CSMD1: variants seen among roughly 807,000 people sequenced by gnomAD.
The protein encoded by CSMD1 is CUB and sushi domain-containing protein 1.
CSMD1 carries 213 observed loss-of-function variants against 417.5 expected under a neutral mutation model. That is an observed-to-expected ratio of 0.51 (90% CI 0.46 to 0.57). CSMD1 has a LOEUF of 0.57. Ranked by LOEUF, CSMD1 falls within the 20% of genes least tolerant of loss-of-function variation. The pLI, the probability that CSMD1 is intolerant of heterozygous loss-of-function variation, is 0.00. For synonymous variants in CSMD1, 2,862 were observed against 1,736.8 expected, an observed-to-expected ratio of 1.65 and a Z score of -16.11; for missense variants, 6,923 against 4,529.7, an observed-to-expected ratio of 1.53 and a Z score of -15.17.
At chr8:3,642,464 C>T (rs1175331376) in intron 7 of CSMD1, among the ~76,000 whole-genome samples, 1 of 152,110 alleles carries the variant, frequency 6.6e-6, no homozygotes, top group Non-Finnish European at 1.5e-5. Flanking sequence ...AAGAGATATT[C>T]CCAAGTAGTG....
At chr8:4,933,002 A>C (rs755377902) in intron 1 of CSMD1, among the ~76,000 whole-genome samples, 3 of 152,176 alleles carry the variant, frequency 2.0e-5, no homozygotes, top group Non-Finnish European at 2.9e-5. Context: ...ACTTACAATA[A>C]ACATTTCTCT....
At chr8:3,251,492 T>G (rs1481116217) in intron 26 of CSMD1, among the ~76,000 whole-genome samples, 3 of 152,194 alleles carry the variant, frequency 2.0e-5, no homozygotes, top group Non-Finnish European at 2.9e-5. Flanking sequence ...TGAAGTCAGG[T>G]AGCATGATGC....
At chr8:3,918,505 A>T (rs534810364) in intron 5 of CSMD1, among the ~76,000 whole-genome samples, 1 of 152,082 alleles carries the variant, frequency 6.6e-6, no homozygotes, top group African/African-American at 2.4e-5. Context: ...AGATATATCT[A>T]CTTGGGTTAT....
chr8:4,540,663 G>A (rs1384244085), intron 2 of CSMD1, among the ~76,000 whole-genome samples: 1 of 152,146 alleles, frequency 6.6e-6, no homozygotes, highest in East Asian at 1.9e-4. Flanking sequence ...GTGTACAAAG[G>A]TCAGGAAAGG....
intron 3 of CSMD1, among the ~76,000 whole-genome samples, chr8:4,069,706 T>A (rs1045853121): frequency 6.6e-6 from 1 of 152,116 alleles, no homozygotes; most frequent in Non-Finnish European, 1.5e-5. Flanking sequence ...CTTCCCTTTC[T>A]TTCTCCCACT....
chr8:4,231,445 G>T (rs116155795), intron 3 of CSMD1, among the ~76,000 whole-genome samples: 420 of 151,670 alleles, frequency 2.8e-3, no homozygotes, highest in African/African-American at 9.9e-3. Flanking sequence ...TAGGTGTAGA[G>T]ATCAGACATT....
intron 2 of CSMD1, among the ~76,000 whole-genome samples, chr8:4,617,102 T>G (rs957608974): frequency 6.6e-6 from 1 of 152,128 alleles, no homozygotes; most frequent in African/African-American, 2.4e-5. Flanking sequence ...TTTCAAAATG[T>G]TTTTGAAACA....
At chr8:4,905,998 C>A (rs904454036) in intron 1 of CSMD1, among the ~76,000 whole-genome samples, 1 of 152,086 alleles carries the variant, frequency 6.6e-6, no homozygotes, top group South Asian at 2.1e-4. Flanking sequence ...CCACTTTTGG[C>A]AGGAAGTCTG....
At chr8:3,793,674 C>G (rs1233553201) in intron 5 of CSMD1, among the ~76,000 whole-genome samples, 1 of 152,146 alleles carries the variant, frequency 6.6e-6, no homozygotes, top group Non-Finnish European at 1.5e-5. Context: ...TTGTAAACCA[C>G]TCATGATTCA....
At chr8:4,855,228 A>C (rs1801726298) in intron 1 of CSMD1, among the ~76,000 whole-genome samples, 1 of 150,510 alleles carries the variant, frequency 6.6e-6, no homozygotes, top group Admixed American at 6.8e-5. Flanking sequence ...AAAAACTAAC[A>C]AACAGAAAGG....
At chr8:4,746,711 C>T (rs913902411) in intron 1 of CSMD1, among the ~76,000 whole-genome samples, 1 of 152,122 alleles carries the variant, frequency 6.6e-6, no homozygotes, top group Non-Finnish European at 1.5e-5. Flanking sequence ...GCTGCTGGGG[C>T]TAATCCACAA....
At chr8:4,907,671 T>TA (rs1805388079) in intron 1 of CSMD1, among the ~76,000 whole-genome samples, 2 of 151,930 alleles carry the variant, frequency 1.3e-5, no homozygotes, top group South Asian at 4.2e-4. Flanking sequence ...ATGATCCTCC[T>TA]AGTCAACTAC....
chr8:3,934,751 G>A (rs890466458), intron 5 of CSMD1, among the ~76,000 whole-genome samples: 2 of 152,074 alleles, frequency 1.3e-5, no homozygotes, highest in South Asian at 2.1e-4. Context: ...GGAGGCTGAA[G>A]CAGGAGAATC....
intron 5 of CSMD1, among the ~76,000 whole-genome samples, chr8:3,970,571 G>A (rs1444119521): frequency 6.6e-6 from 1 of 152,130 alleles, no homozygotes; most frequent in Non-Finnish European, 1.5e-5. Flanking sequence ...CAACGGAAAT[G>A]TTGTTAAAGA....
Position 4,093,999 on chromosome 8 carries a change from T to TAGAC in CSMD1, c.416-61901_416-61900insGTCT, listed in dbSNP as rs1800863946. Among the ~76,000 whole-genome samples, 37 of 151,808 alleles carry TAGAC rather than the reference T, an allele frequency of 2.4e-4. 2 individuals carry two copies. In the South Asian group the frequency reaches 7.5e-3, roughly 31 times the overall value. Reference sequence around the variant, plus strand: ...ATAGATAGATAGATAGATAGATAGATAGATAGATAGATAAAGAAAAAAGAC... The same window carrying TAGAC: ...ATAGATAGATAGATAGATAGATAGATAGACAGATAGATAGATAAAGAAAAAAGAC... On this transcript the variant is annotated intron_variant, in intron 3 of 69. Transcript: ENST00000635120.
At chr8:4,775,217 T>C (rs991942586) in intron 1 of CSMD1, among the ~76,000 whole-genome samples, 12 of 152,160 alleles carry the variant, frequency 7.9e-5, no homozygotes, top group Admixed American at 5.9e-4. Flanking sequence ...TTGTAGGACA[T>C]ATCACTAAAA....
chr8:4,049,888 G>A (rs774565545), intron 3 of CSMD1, among the ~76,000 whole-genome samples: 1 of 140,042 alleles, frequency 7.1e-6, no homozygotes, highest in African/African-American at 2.7e-5. Context: ...TAGCTTTTAA[G>A]TAACGTTCGC....
chr8:3,285,701 G>T (rs993267131), intron 25 of CSMD1, among the ~76,000 whole-genome samples: 6 of 151,772 alleles, frequency 4.0e-5, no homozygotes, highest in Admixed American at 1.3e-4. Flanking sequence ...GCCCAGACCA[G>T]AACTTTTTAT....
chr8:4,041,942 A>T (rs1797914755), intron 3 of CSMD1, among the ~76,000 whole-genome samples: 1 of 152,172 alleles, frequency 6.6e-6, no homozygotes, highest in African/African-American at 2.4e-5. Context: ...AGATAGCAAG[A>T]TAAAGTATTT....
Sources: allele counts gnomAD v4.1 joint callset (sites outside exome capture counted in the v4.1 genomes callset), GRCh38; gene constraint gnomAD v4.1.1; transcripts MANE v1.5; gene names NCBI Gene and HGNC (gene_info 2026-07-23, HGNC 2026-07-21).